Variants in RBKS observed in about 807,000 individuals in gnomAD.
RBKS encodes ribokinase.
Under a neutral mutation model 33.9 loss-of-function variants are expected in RBKS, and 33 were observed. The ratio of observed to expected loss-of-function variants is 0.97; its 90% CI spans 0.74 to 1.30. The LOEUF (loss-of-function observed/expected upper bound fraction) is 1.30, where lower values mean the gene tolerates loss of function less well. RBKS is among the 50% of genes most tolerant of loss of function. RBKS has a pLI of 0.00. For synonymous variants in RBKS, 125 were observed against 143.0 expected, an observed-to-expected ratio of 0.87 and a Z score of 0.90; for missense variants, 361 against 392.6, an observed-to-expected ratio of 0.92 and a Z score of 0.68.
intron 1 of RBKS, among the ~76,000 whole-genome samples, chr2:27,873,324 C>T (rs75190418): frequency 6.6e-6 from 1 of 152,182 alleles, no homozygotes; most frequent in Non-Finnish European, 1.5e-5. Flanking sequence ...TCTTGGGCAA[C>T]TGTGGCATGC....
chr2:27,799,646 G>T (rs1677734496), intron 7 of RBKS, among the ~76,000 whole-genome samples: 1 of 152,254 alleles, frequency 6.6e-6, no homozygotes, highest in African/African-American at 2.4e-5. Flanking sequence ...AGGAAAGGGA[G>T]AGAGGGCAAA....
chr2:27,808,056 TG>T (rs1344727440), intron 7 of RBKS, among the ~76,000 whole-genome samples: 3 of 152,202 alleles, frequency 2.0e-5, no homozygotes. Context: ...GTGTTTCTCT[TG>T]AATTATGTAT....
chr2:27,789,935 ATATATG>A (rs1178918716), intron 7 of RBKS, among the ~76,000 whole-genome samples: 3 of 134,216 alleles, frequency 2.2e-5, no homozygotes, highest in African/African-American at 8.6e-5. Context: ...GTATATATAT[ATATATG>A]TATATGTGTA....
At chr2:27,821,040 CAAA>C (rs59964452) in intron 7 of RBKS, among the ~76,000 whole-genome samples, 17,874 of 67,072 alleles carry the variant, frequency 0.27, 1,292 homozygotes, top group East Asian at 0.58. Context: ...AACTCCATCT[CAAA>C]AAAAAAAAAA....
At chr2:27,798,486 C>T (rs1482451247) in intron 7 of RBKS, among the ~76,000 whole-genome samples, 1 of 152,098 alleles carries the variant, frequency 6.6e-6, no homozygotes, top group East Asian at 1.9e-4. Context: ...CACCAGTTGT[C>T]GAGTTTAAAT....
At chr2:27,799,991 T>C (rs988561705) in intron 7 of RBKS, among the ~76,000 whole-genome samples, 7 of 152,024 alleles carry the variant, frequency 4.6e-5, no homozygotes, top group African/African-American at 1.5e-4. Flanking sequence ...AGGCAGGAGA[T>C]ATGGGTGTCA....
intron 7 of RBKS, among the ~76,000 whole-genome samples, chr2:27,801,462 TATACACACACACACAC>T (rs1170877696): frequency 0.028 from 2,291 of 83,060 alleles, 24 homozygotes; most frequent in Middle Eastern, 0.064. Context: ...AGGGCCACAG[TATACACACACACACAC>T]ACACACACAC....
At chr2:27,835,201 G>A (rs946638799) in intron 5 of RBKS, among the ~76,000 whole-genome samples, 5 of 151,486 alleles carry the variant, frequency 3.3e-5, no homozygotes, top group South Asian at 4.2e-4. Flanking sequence ...GCTTGAACCC[G>A]GGAGGTGGAG....
intron 7 of RBKS, among the ~76,000 whole-genome samples, chr2:27,812,062 G>T (rs1485786461): frequency 6.6e-6 from 1 of 152,112 alleles, no homozygotes; most frequent in African/African-American, 2.4e-5. Context: ...ACTTTTTGAT[G>T]GGGCTGTTTT....
At chr2:27,872,477 A>G (rs1277698403) in intron 1 of RBKS, among the ~76,000 whole-genome samples, 1 of 152,210 alleles carries the variant, frequency 6.6e-6, no homozygotes. Context: ...AGCAACTAAA[A>G]CAAACCTGGA....
intron 6 of RBKS, among the ~76,000 whole-genome samples, chr2:27,828,875 CTATT>C (rs1678369363): frequency 1.3e-5 from 2 of 151,944 alleles, no homozygotes; most frequent in African/African-American, 4.8e-5. Context: ...CTTAATTATA[CTATT>C]TAAAGTATTT....
rs1040597045 is a variant in RBKS, at chr2:27,795,538, T to C, written c.796-13750A>G. Among the ~76,000 whole-genome samples the C allele has an allele frequency of 1.3e-5, 2 of 151,998 alleles. No homozygotes were observed. The highest frequency in any genetic ancestry group is 6.6e-5 in the Admixed American group (1 of 15,248). On this transcript the variant is annotated intron_variant, in intron 7 of 7. Coordinates refer to ENST00000302188, the MANE Select transcript of RBKS (RefSeq NM_022128.3). The surrounding 1 kb of genome is among the most constrained non-coding windows in gnomAD (Gnocchi z 4.1). ...GAGGCAGCAAAGCCGGGTATTTATA[T>C]ACACACACACACAACATTGACCTCA...
intron 5 of RBKS, among the ~76,000 whole-genome samples, chr2:27,835,876 G>T (rs746390119): frequency 2.0e-5 from 3 of 152,072 alleles, no homozygotes; most frequent in Non-Finnish European, 2.9e-5. Flanking sequence ...GACTAAATTT[G>T]ACTACAGGTT....
At chr2:27,880,367 C>G (rs115328086) in intron 1 of RBKS, among the ~76,000 whole-genome samples, 2,004 of 152,270 alleles carry the variant, frequency 0.013, 27 homozygotes, top group Middle Eastern at 0.031. Context: ...CAGCACAAGA[C>G]GAGGATGCCT....
At chr2:27,886,369 C>T (rs6716565) in intron 1 of RBKS, among the ~76,000 whole-genome samples, 1 of 152,020 alleles carries the variant, frequency 6.6e-6, no homozygotes, top group Admixed American at 6.5e-5. Context: ...AATAGGCATG[C>T]GTGTCCAGGC....
At chr2:27,821,469 G>A (rs1233378161) in intron 7 of RBKS, among the ~76,000 whole-genome samples, 1 of 152,118 alleles carries the variant, frequency 6.6e-6, no homozygotes, top group African/African-American at 2.4e-5. Context: ...ATTCAAAAGT[G>A]TATGACTATG....
intron 2 of RBKS, among the ~76,000 whole-genome samples, chr2:27,855,116 A>G (rs765788552): frequency 7.1e-6 from 1 of 141,708 alleles, no homozygotes; most frequent in Non-Finnish European, 1.5e-5. Flanking sequence ...TTGCCTGGGC[A>G]AAGCCAAGAA....
chr2:27,827,533 A>G (rs772021426), intron 7 of RBKS, 34 bp downstream of exon 7: 7 of 1,485,516 alleles, frequency 4.7e-6, no homozygotes, highest in Non-Finnish European at 6.3e-6. Flanking sequence ...CAATTTTCAA[A>G]GGCTAAACAT....
chr2:27,867,550 T>C (rs1366532008), intron 1 of RBKS, among the ~76,000 whole-genome samples: 2 of 152,104 alleles, frequency 1.3e-5, no homozygotes. Context: ...CAGTATGGCA[T>C]GGAGGGCTGA....
Sources: allele counts gnomAD v4.1 joint callset (sites outside exome capture counted in the v4.1 genomes callset), GRCh38; gene constraint gnomAD v4.1.1; non-coding constraint Gnocchi (gnomAD v3.1); transcripts MANE v1.5; gene names NCBI Gene and HGNC (gene_info 2026-07-23, HGNC 2026-07-21).